The following NLK variants were observed in gnomAD, a reference collection of about 807,000 sequenced individuals.
NLK encodes the protein serine/threonine-protein kinase NLK.
Under a neutral mutation model 59.0 loss-of-function variants are expected in NLK, and 11 were observed. That is an observed-to-expected ratio of 0.19 (90% CI 0.12 to 0.31). NLK has a LOEUF of 0.31. NLK is among the 10% of genes least tolerant of loss of function. NLK has a pLI of 1.00. For missense variants in NLK, 410 were observed against 661.1 expected, an observed-to-expected ratio of 0.62 and a Z score of 4.16; for synonymous variants, 235 against 235.9, an observed-to-expected ratio of 1.00 and a Z score of 0.03.
chr17:28,146,048 A>C (rs546836425), intron 3 of NLK, among the ~76,000 whole-genome samples: 52 of 152,080 alleles, frequency 3.4e-4, no homozygotes, highest in Middle Eastern at 6.8e-3. Flanking sequence ...TTTGTTCCTT[A>C]TATTCTTTTG....
rs142971376 is a variant in NLK, at chr17:28,078,969, T to C, written c.458+35638T>C. 1.5e-3 allele frequency among the ~76,000 whole-genome samples: 229 copies of C among 152,342 alleles called. 1 individual carries two copies. The highest frequency in any genetic ancestry group is 6.8e-3 in the Middle Eastern group (2 of 294). ...TGTGTTAACTATATGCACATTGTTG[T>C]GCAACAGATCTCTAGAACTTTTTCA... On this transcript the variant is annotated intron_variant, in intron 1 of 10. Coordinates refer to ENST00000407008, the MANE Select transcript of NLK (RefSeq NM_016231.5).
At chr17:28,175,787 A>G (rs1343087406) in intron 7 of NLK, among the ~76,000 whole-genome samples, 2 of 152,248 alleles carry the variant, frequency 1.3e-5, no homozygotes, top group Non-Finnish European at 2.9e-5. Context: ...AAAATAGCAG[A>G]TAAAGCTTGT....
chr17:28,090,331 G>A (rs1904441482), intron 1 of NLK, among the ~76,000 whole-genome samples: 1 of 152,100 alleles, frequency 6.6e-6, no homozygotes, highest in Non-Finnish European at 1.5e-5. Flanking sequence ...TTAAACAGTT[G>A]TCTTTTAAGG....
intron 1 of NLK, among the ~76,000 whole-genome samples, chr17:28,086,324 C>G (rs1370557290): frequency 6.6e-6 from 1 of 151,818 alleles, no homozygotes; most frequent in African/African-American, 2.4e-5. Context: ...TTTTATGTTC[C>G]ATGGGCTAGA....
Position 28,162,079 on chromosome 17 carries a change from G to A in NLK, c.751+813G>A, listed in dbSNP as rs192088492. On this transcript the variant is annotated intron_variant, in intron 4 of 10. Transcript: ENST00000407008. ...CGCCTAGGCTAGAGTGCAGTGGTGCGATCTCAGCTCACTGCAAGATTCGCC... is the reference window on the plus strand; with the variant it reads ...CGCCTAGGCTAGAGTGCAGTGGTGCAATCTCAGCTCACTGCAAGATTCGCC... Among the ~76,000 whole-genome samples the A allele has an allele frequency of 9.3e-4, 142 of 152,112 alleles. 1 individual carries two copies. The highest frequency in any genetic ancestry group is 3.2e-3 in the African/African-American group (133 of 41,502).
intron 1 of NLK, among the ~76,000 whole-genome samples, chr17:28,071,748 A>G (rs1050329492): frequency 1.4e-4 from 21 of 152,224 alleles, no homozygotes; most frequent in African/African-American, 5.1e-4. Context: ...AGGCTTCATC[A>G]GAAAGAATTG....
chr17:28,059,581 A>G (rs980052307), intron 1 of NLK, among the ~76,000 whole-genome samples: 1 of 152,214 alleles, frequency 6.6e-6, no homozygotes, highest in Non-Finnish European at 1.5e-5. Flanking sequence ...ATGCTAGAGT[A>G]GAAAAAAAAG....
chr17:28,146,096 G>A (rs1367100118), intron 3 of NLK, among the ~76,000 whole-genome samples: 2 of 152,046 alleles, frequency 1.3e-5, no homozygotes, highest in Non-Finnish European at 2.9e-5. Flanking sequence ...AGAAATAGGG[G>A]CACATTCATA....
chr17:28,080,515 T>C (rs1910309095), intron 1 of NLK, among the ~76,000 whole-genome samples: 1 of 152,198 alleles, frequency 6.6e-6, no homozygotes, highest in Non-Finnish European at 1.5e-5. Flanking sequence ...AACAGGTAAT[T>C]ACTTAAATTT....
chr17:28,129,571 A>C (rs1906432985), intron 2 of NLK, among the ~76,000 whole-genome samples: 2 of 152,208 alleles, frequency 1.3e-5, no homozygotes. Flanking sequence ...ACCTTATGCT[A>C]CAACTCTATA....
intron 3 of NLK, among the ~76,000 whole-genome samples, chr17:28,141,201 A>C (rs973898962): frequency 2.0e-5 from 3 of 152,204 alleles, no homozygotes; most frequent in African/African-American, 7.2e-5. Flanking sequence ...ATTTTATTTC[A>C]TCTCTTTTCA....
intron 1 of NLK, among the ~76,000 whole-genome samples, chr17:28,072,802 A>G (rs553439410): frequency 1.3e-5 from 2 of 152,170 alleles, no homozygotes; most frequent in African/African-American, 4.8e-5. Context: ...CCGTTTTAAT[A>G]GTCTCCTATT....
At chr17:28,109,902 CTG>C (rs1348452929) in intron 1 of NLK, among the ~76,000 whole-genome samples, 1 of 152,202 alleles carries the variant, frequency 6.6e-6, no homozygotes, top group African/African-American at 2.4e-5. Context: ...TGCAGCCAAA[CTG>C]TTTTCCAAGG....
intron 8 of NLK, among the ~76,000 whole-genome samples, chr17:28,190,642 G>A (rs1342244978): frequency 6.6e-6 from 1 of 152,072 alleles, no homozygotes; most frequent in Non-Finnish European, 1.5e-5. Flanking sequence ...TCAGGATGCT[G>A]ACACATATTT....
At chr17:28,064,174 C>T (rs1221157424) in intron 1 of NLK, among the ~76,000 whole-genome samples, 35 of 99,598 alleles carry the variant, frequency 3.5e-4, no homozygotes, top group South Asian at 8.3e-4. Flanking sequence ...AGTTAGCAAA[C>T]TTTTTTTTTT....
chr17:28,191,185 C>T lies in NLK; in HGVS notation c.1401C>T (p.Phe467=), dbSNP rs34059108. 7.4e-6 allele frequency: 12 copies of T among 1,612,872 alleles called. No homozygotes were observed. Among genetic ancestry groups the T allele is most frequent in the African/African-American group, 5.3e-5 (4 of 74,882 alleles). The change falls in exon 9 of 11, where the codon TTC becomes TTT. Residue 467 remains phenylalanine, a synonymous_variant. Transcript: ENST00000407008. ...CCAATCCCAAATTTGATGACACTTT[C>T]GAGAAGAACCTCAGTTCTGTCCGAC... ...PVTNPKFDDT[F]EKNLSSVRQV...
chr17:28,194,918 G>A lies in NLK; in HGVS notation c.*282G>A. The A allele has an allele frequency of 3.3e-6, 1 of 300,598 alleles. No homozygotes were observed. The highest frequency in any genetic ancestry group is 5.3e-5 in the East Asian group (1 of 18,922). The allele number at this position is 300,598 out of a possible 1,614,324, so 18.6% of individuals were successfully genotyped here. ...GCTCACCTCAGAACAAAAGAGAATT[G>A]AACCAAATTTGGGAGTTTGGGGTTT... On this transcript the variant is annotated 3_prime_UTR_variant, in exon 11 of 11. Coordinates refer to ENST00000407008, the MANE Select transcript of NLK (RefSeq NM_016231.5).
chr17:28,057,395 C>CTAGA (rs1366239318), intron 1 of NLK, among the ~76,000 whole-genome samples: 5 of 152,204 alleles, frequency 3.3e-5, no homozygotes, highest in African/African-American at 1.2e-4. Flanking sequence ...AGCTCTCCAA[C>CTAGA]TAGAGAAGGA....
intron 3 of NLK, among the ~76,000 whole-genome samples, chr17:28,139,972 A>C (rs747964052): frequency 6.6e-6 from 1 of 152,228 alleles, no homozygotes; most frequent in African/African-American, 2.4e-5. Context: ...TACTTCAGGC[A>C]GAAAAAAACG....
Sources: gnomAD v4.1 joint callset for allele counts (sites outside exome capture counted in the v4.1 genomes callset) on GRCh38, gnomAD v4.1.1 for gene constraint, MANE v1.5 for transcripts, NCBI Gene and HGNC (gene_info 2026-07-23, HGNC 2026-07-21) for gene names.